The following TMEM97 variants were observed in gnomAD, a reference collection of about 807,000 sequenced individuals.
TMEM97 encodes the protein sigma intracellular receptor 2.
TMEM97 carries 13 observed loss-of-function variants against 18.3 expected under a neutral mutation model. The ratio of observed to expected loss-of-function variants is 0.71; its 90% confidence interval spans 0.46 to 1.13. TMEM97 has a LOEUF of 1.13. Among genes scored for constraint, TMEM97 ranks in the 50% most tolerant of loss-of-function variants. The pLI is 0.00. For synonymous variants in TMEM97, 76 were observed against 85.3 expected (o/e 0.89, Z 0.60); for missense variants, 205 against 210.5 (o/e 0.97, Z 0.16).
intron 2 of TMEM97, 86 bp from the exon 3 acceptor site, chr17:28,326,448 A>C: frequency 1.4e-6 from 2 of 1,478,640 alleles, no homozygotes; most frequent in Non-Finnish European, 1.8e-6. Context: ...AGAAGAAAGC[A>C]GGCAGGCAGA....
chr17:28,326,840 C>G lies in TMEM97; in HGVS notation c.*47C>G, dbSNP rs1329187826. 2.5e-6 allele frequency: 4 copies of G among 1,577,912 alleles called. No homozygotes were observed. Among genetic ancestry groups the G allele is most frequent in the African/African-American group, 2.7e-5 (2 of 73,330 alleles). ...GGTAGAGATGCCTACAGGGTGGTTG[C>G]TTGTTGGATACAATACAAGGAACAC... On this transcript the variant is annotated 3_prime_UTR_variant, in exon 3 of 3. Coordinates refer to ENST00000226230, the MANE Select transcript of TMEM97 (RefSeq NM_014573.3).
rs1906443796 is a variant in TMEM97 at position 28,328,078 on chromosome 17, G to GC, written c.*1286dup. Reference sequence around the variant, plus strand: ...TTCCATCAGCTTTCTCTAAGTCTTTGCTCAAGTTCAACCTTAAAATGATGT... The same window carrying GC: ...TTCCATCAGCTTTCTCTAAGTCTTTGCCTCAAGTTCAACCTTAAAATGATGT... On this transcript the variant is annotated 3_prime_UTR_variant, in exon 3 of 3. Transcript: ENST00000226230. 1 of 153,020 alleles carries GC rather than the reference G, an allele frequency of 6.5e-6. No homozygotes were observed. Among genetic ancestry groups the GC allele is most frequent in the Non-Finnish European group, 1.5e-5 (1 of 68,386 alleles). 9.5% of individuals were successfully genotyped at this position (153,020 alleles called of 1,614,324 possible).
In TMEM97 at chr17:28,327,869, T is replaced by G. The variant is rs1250123893; in HGVS notation, c.*1076T>G. 6.6e-6 allele frequency: 1 copy of G among 152,268 alleles called. No individual in the cohort carries two copies. Among genetic ancestry groups the G allele is most frequent in the Non-Finnish European group, 1.5e-5 (1 of 68,040 alleles). 9.4% of individuals were successfully genotyped at this position (152,268 alleles called of 1,614,324 possible). A position where few individuals can be genotyped will look rare whatever the true frequency, so the allele number is the denominator to read the frequency against. On this transcript the variant is annotated 3_prime_UTR_variant, in exon 3 of 3. Coordinates refer to ENST00000226230, the MANE Select transcript of TMEM97 (RefSeq NM_014573.3). The stretch of plus-strand genomic sequence containing the variant: ...CTAGAGGCCACCTGACACAAGTCCC[T>G]GTATCTGAAGTCTAGCATCTCAAGG...
chr17:28,321,271 C>G (rs1472118032), intron 1 of TMEM97, among the ~76,000 whole-genome samples: 2 of 152,192 alleles, frequency 1.3e-5, no homozygotes, highest in Non-Finnish European at 2.9e-5. Context: ...GGTAATTAGC[C>G]TGCTACTCCA....
rs782263702 is a variant in TMEM97, at chr17:28,319,235, A to G, written c.-5A>G. The G allele has an allele frequency of 6.2e-7, 1 of 1,602,584 alleles. No individual in the cohort carries two copies. Among genetic ancestry groups the G allele is most frequent in the Non-Finnish European group, 8.5e-7 (1 of 1,174,148 alleles). ...ATCAGCGGGTCCAGGCCCAACCGAC[A>G]GACTATGGGGGCTCCGGCAACCAGG... On this transcript the variant is annotated 5_prime_UTR_variant, in exon 1 of 3. Coordinates refer to ENST00000226230, the MANE Select transcript of TMEM97 (RefSeq NM_014573.3).
At chr17:28,320,367 C>T (rs1906095626) in intron 1 of TMEM97, among the ~76,000 whole-genome samples, 3 of 152,152 alleles carry the variant, frequency 2.0e-5, no homozygotes, top group Admixed American at 1.3e-4. Flanking sequence ...AAAAAGGCCA[C>T]GGCTCAAGAA....
In TMEM97 at chr17:28,328,672, G is replaced by T; in HGVS notation, c.*1879G>T. The T allele has an allele frequency of 6.2e-7, 1 of 1,602,502 alleles. No individual in the cohort carries two copies. The highest frequency in any genetic ancestry group is 1.1e-5 in the South Asian group (1 of 88,508). On this transcript the variant is annotated 3_prime_UTR_variant, in exon 3 of 3. Coordinates refer to ENST00000226230, the MANE Select transcript of TMEM97 (RefSeq NM_014573.3). Reference sequence around the variant, plus strand: ...TCAGTTCATTTCTGAAAAATAAATTGGTCAATAAATTCATTTTGTTCTGCT... The same window carrying T: ...TCAGTTCATTTCTGAAAAATAAATTTGTCAATAAATTCATTTTGTTCTGCT...
intron 1 of TMEM97, among the ~76,000 whole-genome samples, chr17:28,322,363 G>A (rs782727119): frequency 6.6e-6 from 1 of 151,742 alleles, no homozygotes; most frequent in African/African-American, 2.4e-5. Context: ...TCCTGCCTCA[G>A]CATCCCAAAT....
At chr17:28,322,665 AAAT>A (rs1555575031) in intron 1 of TMEM97, among the ~76,000 whole-genome samples, 2 of 152,176 alleles carry the variant, frequency 1.3e-5, no homozygotes. Context: ...CTTCTGGTAA[AAAT>A]AAGGAAAAAC....
chr17:28,319,903 A>G (rs1211098006), intron 1 of TMEM97, among the ~76,000 whole-genome samples: 1 of 152,210 alleles, frequency 6.6e-6, no homozygotes, highest in Non-Finnish European at 1.5e-5. Flanking sequence ...GTAAATTGCC[A>G]TCTTTTCAGA....
chr17:28,319,482 G>GC, intron 1 of TMEM97, 117 bp downstream of exon 1: 1 of 1,268,502 alleles, frequency 7.9e-7, no homozygotes, highest in African/African-American at 1.6e-5. Flanking sequence ...CTCGGGTCCT[G>GC]CCCATGCCTC....
At position 28,322,170 on chromosome 17, in the gene TMEM97, A is replaced by AT. The variant is rs1188886258; in HGVS notation, c.126+2813dup. ...GGTTGGGCTGAAACATGCACAATAA[A>AT]TTTTTTTTCTTGGATTGCACCAAAT... On this transcript the variant is annotated intron_variant, in intron 1 of 2. Transcript: ENST00000226230. Among the ~76,000 whole-genome samples the AT allele has an allele frequency of 2.7e-5, 4 of 150,766 alleles. No homozygotes were observed. In the East Asian group the frequency reaches 7.8e-4, roughly 30 times the overall value.
intron 1 of TMEM97, among the ~76,000 whole-genome samples, chr17:28,325,053 T>C (rs1555575294): frequency 6.6e-6 from 1 of 151,902 alleles, no homozygotes; most frequent in African/African-American, 2.4e-5. Flanking sequence ...TAGTTGCCAT[T>C]ACAAAAGGGA....
chr17:28,324,232 A>G (rs1258267994), intron 1 of TMEM97, among the ~76,000 whole-genome samples: 3 of 152,224 alleles, frequency 2.0e-5, no homozygotes, highest in Non-Finnish European at 4.4e-5. Context: ...GAAGGAAGCG[A>G]AGGGCATTGC....
At chr17:28,325,411 G>A in intron 1 of TMEM97, 92 bp from the exon 2 acceptor site, 1 of 1,511,064 alleles carries the variant, frequency 6.6e-7, no homozygotes, top group Non-Finnish European at 8.9e-7. Context: ...GCTAATTAAT[G>A]ACAGGCTCCT....
At position 28,327,101 on chromosome 17, in the gene TMEM97, A is replaced by AC. The variant is rs1180147495; in HGVS notation, c.*309dup. The AC allele has an allele frequency of 8.8e-6, 3 of 340,646 alleles. No homozygotes were observed. Among genetic ancestry groups the AC allele is most frequent in the African/African-American group, 6.2e-5 (3 of 48,110 alleles). 21.1% of individuals were successfully genotyped at this position (340,646 alleles called of 1,614,324 possible). A position where few individuals can be genotyped will look rare whatever the true frequency, so the allele number is the denominator to read the frequency against. ...CTTAGCCTCCCAAGTAGCTAGAACTACAGGTGTGTACCAACACGTATGGCT... is the reference window on the plus strand; with the variant it reads ...CTTAGCCTCCCAAGTAGCTAGAACTACCAGGTGTGTACCAACACGTATGGCT... On this transcript the variant is annotated 3_prime_UTR_variant, in exon 3 of 3. Transcript: ENST00000226230.
chr17:28,319,284 C>G lies in TMEM97; in HGVS notation c.45C>G (p.Gly15=). ...ATRRCVEWLL[G]LYFLSHIPIT... is the part of the protein sequence containing the mutation. The stretch of plus-strand genomic sequence containing the variant: ...GGCGCTGCGTGGAGTGGCTGCTGGG[C>G]CTCTACTTCCTCAGCCACATCCCCA... The change falls in exon 1 of 3, where the codon GGC becomes GGG. Residue 15 remains glycine, a synonymous_variant. Transcript: ENST00000226230. 2 of 1,610,702 alleles carry G rather than the reference C, an allele frequency of 1.2e-6. No homozygotes were observed. The highest frequency in any genetic ancestry group is 1.7e-6 in the Non-Finnish European group (2 of 1,178,696).
intron 2 of TMEM97, 94 bp from the exon 3 acceptor site, chr17:28,326,437 TAGA>T: frequency 7.0e-7 from 1 of 1,431,128 alleles, no homozygotes; most frequent in Non-Finnish European, 9.5e-7. Context: ...GAGAAGGGAG[TAGA>T]AGAAAGCAGG....
At chr17:28,323,072 A>G (rs561078381) in intron 1 of TMEM97, among the ~76,000 whole-genome samples, 7 of 152,184 alleles carry the variant, frequency 4.6e-5, no homozygotes, top group Non-Finnish European at 1.5e-5. Context: ...TGATGGGGAC[A>G]CAAGTGTAGG....
Sources: gnomAD v4.1 joint callset for allele counts (sites outside exome capture counted in the v4.1 genomes callset) on GRCh38, gnomAD v4.1.1 for gene constraint, MANE v1.5 for transcripts, NCBI Gene and HGNC (gene_info 2026-07-23, HGNC 2026-07-21) for gene names.